The following KSR2 variants were observed in gnomAD, a reference collection of about 807,000 sequenced individuals.
The protein encoded by KSR2 is kinase suppressor of ras 2.
A neutral mutation model predicts 107.8 loss-of-function variants in KSR2; 25 were observed. The observed-to-expected ratio is 0.23, with a 90% CI of 0.17 to 0.32. The LOEUF (loss-of-function observed/expected upper bound fraction) is 0.32, where lower values mean the gene tolerates loss of function less well. Among genes scored for constraint, KSR2 ranks in the 10% least tolerant of loss-of-function variants. The pLI, the probability that KSR2 is intolerant of heterozygous loss-of-function variation, is 1.00. For synonymous variants in KSR2, 480 were observed against 507.0 expected, an observed-to-expected ratio of 0.95 and a Z score of 0.71; for missense variants, 887 against 1,268.9, an observed-to-expected ratio of 0.70 and a Z score of 4.57.
At chr12:117,747,253 T>C (rs1428334809) in intron 4 of KSR2, among the ~76,000 whole-genome samples, 1 of 152,136 alleles carries the variant, frequency 6.6e-6, no homozygotes, top group African/African-American at 2.4e-5. Flanking sequence ...TATGCAGCCA[T>C]AAAGAAGAAT....
At chr12:117,748,279 G>A (rs1006609565) in intron 4 of KSR2, among the ~76,000 whole-genome samples, 6 of 152,136 alleles carry the variant, frequency 3.9e-5, no homozygotes, top group African/African-American at 1.4e-4. Context: ...GTGGTTACCA[G>A]GAGCTGGCAG....
intron 3 of KSR2, among the ~76,000 whole-genome samples, chr12:117,790,979 C>T (rs4767622): frequency 0.54 from 82,694 of 151,942 alleles, 23,361 homozygotes; most frequent in East Asian, 0.77. Flanking sequence ...GGATGTTTTG[C>T]AATCATGTAT....
chr12:117,687,569 G>A (rs902655149), intron 4 of KSR2, among the ~76,000 whole-genome samples: 3 of 152,142 alleles, frequency 2.0e-5, no homozygotes, highest in African/African-American at 7.2e-5. Context: ...TTCCTGCTCA[G>A]CCGGACTCAG....
chr12:117,878,133 AG>A (rs986746497), intron 1 of KSR2, among the ~76,000 whole-genome samples: 14 of 96,310 alleles, frequency 1.5e-4, no homozygotes, highest in African/African-American at 1.1e-3. Context: ...ATAAGAATTC[AG>A]GCAAACTTAA....
At chr12:117,677,582 C>G (rs1297740477) in intron 4 of KSR2, among the ~76,000 whole-genome samples, 2 of 152,158 alleles carry the variant, frequency 1.3e-5, no homozygotes, top group Admixed American at 1.3e-4. Flanking sequence ...CCCTAGCAGA[C>G]TAATACAGTA....
intron 3 of KSR2, among the ~76,000 whole-genome samples, chr12:117,833,895 G>A (rs557115579): frequency 2.9e-4 from 44 of 151,976 alleles, no homozygotes; most frequent in African/African-American, 1.0e-3. Context: ...TTGGGAGGCC[G>A]AGGCAGGCGG....
At chr12:117,872,549 A>G (rs1249927051) in intron 1 of KSR2, among the ~76,000 whole-genome samples, 1 of 151,650 alleles carries the variant, frequency 6.6e-6, no homozygotes, top group Non-Finnish European at 1.5e-5. Flanking sequence ...GGGACAGCAG[A>G]GCAAGACGCT....
Position 117,473,378 on chromosome 12 carries a change from C to A in KSR2, c.2583-2058G>T, listed in dbSNP as rs58070890. Among the ~76,000 whole-genome samples, 1,252 of 152,258 alleles carry A rather than the reference C, an allele frequency of 8.2e-3. 21 individuals carry two copies. The highest frequency in any genetic ancestry group is 0.028 in the African/African-American group (1,167 of 41,536). ...TTTCATAGATGAGGAAACTGATGCCCAGAAAGGTTGTGTGTCTTTCCCAAG... is the reference window on the plus strand; with the variant it reads ...TTTCATAGATGAGGAAACTGATGCCAAGAAAGGTTGTGTGTCTTTCCCAAG... On this transcript the variant is annotated intron_variant, in intron 17 of 19. Coordinates refer to ENST00000339824, the MANE Select transcript of KSR2 (RefSeq NM_173598.6).
intron 3 of KSR2, among the ~76,000 whole-genome samples, chr12:117,781,572 C>T (rs528959706): frequency 8.5e-5 from 13 of 152,308 alleles, no homozygotes; most frequent in African/African-American, 2.4e-4. Context: ...TCACCCCTCA[C>T]GAACCAAACC....
rs761063521 is a variant in KSR2, at chr12:117,968,891, C to CGCTGCTGCT, written c.-645_-637dup. On this transcript the variant is annotated 5_prime_UTR_variant, in exon 1 of 20. Transcript: ENST00000339824. Reference sequence around the variant, plus strand: ...GCGGCTGGCTGCTGTCTCCTCCCCGCGCTGCTGCTGCTGCTGCTGCTGCCG... The same window carrying CGCTGCTGCT: ...GCGGCTGGCTGCTGTCTCCTCCCCGCGCTGCTGCTGCTGCTGCTGCTGCTGCTGCTGCCG... The CGCTGCTGCT allele has an allele frequency of 4.4e-5, 11 of 247,460 alleles. 1 individual carries two copies. Among genetic ancestry groups the CGCTGCTGCT allele is most frequent in the Admixed American group, 2.5e-4 (5 of 20,010 alleles). The allele number at this position is 247,460 out of a possible 1,614,324, so 15.3% of individuals were successfully genotyped here. A position where few individuals can be genotyped will look rare whatever the true frequency, so the allele number is the denominator to read the frequency against.
At chr12:117,800,455 G>A (rs7980478) in intron 3 of KSR2, among the ~76,000 whole-genome samples, 51,077 of 152,084 alleles carry the variant, frequency 0.34, 9,415 homozygotes, top group Admixed American at 0.5. Context: ...GAAGCCTTGG[G>A]GAGCTGGAGA....
At chr12:117,818,589 C>G (rs1174878943) in intron 3 of KSR2, among the ~76,000 whole-genome samples, 2 of 152,186 alleles carry the variant, frequency 1.3e-5, no homozygotes, top group Non-Finnish European at 2.9e-5. Context: ...GTGCTTAGTG[C>G]AGGGCATGCC....
chr12:117,622,073 G>T (rs1160556524), intron 5 of KSR2, among the ~76,000 whole-genome samples: 1 of 152,064 alleles, frequency 6.6e-6, no homozygotes, highest in African/African-American at 2.4e-5. Context: ...TCACAAGCAG[G>T]ATGGCAACAG....
chr12:117,951,868 A>C (rs754398779), intron 1 of KSR2, among the ~76,000 whole-genome samples: 1 of 152,188 alleles, frequency 6.6e-6, no homozygotes, highest in Non-Finnish European at 1.5e-5. Flanking sequence ...TATCCAGATC[A>C]AAAGGCTGCC....
chr12:117,678,408 AG>A lies in KSR2; in HGVS notation c.987-10751del, dbSNP rs1300394741. ...TGGATCGCAGACATCTTCATGTACTAGGAGTTAGGATTCCGGGGCTCTCTGG... is the reference window on the plus strand; with the variant it reads ...TGGATCGCAGACATCTTCATGTACTAGAGTTAGGATTCCGGGGCTCTCTGG... On this transcript the variant is annotated intron_variant, in intron 4 of 19. Coordinates refer to ENST00000339824, the MANE Select transcript of KSR2 (RefSeq NM_173598.6). Among the ~76,000 whole-genome samples the A allele has an allele frequency of 7.9e-5, 12 of 151,782 alleles. No homozygotes were observed. In the East Asian group the frequency reaches 2.3e-3, roughly 30 times the overall value.
chr12:117,569,236 T>G (rs1026320704), intron 7 of KSR2, among the ~76,000 whole-genome samples: 7 of 152,232 alleles, frequency 4.6e-5, no homozygotes, highest in Non-Finnish European at 1.0e-4. Context: ...AAAATCAAGA[T>G]GTGCTTGGTT....
intron 10 of KSR2, among the ~76,000 whole-genome samples, chr12:117,534,825 G>A (rs1485825234): frequency 6.6e-6 from 1 of 151,988 alleles, no homozygotes; most frequent in African/African-American, 2.4e-5. Context: ...ATGTGATCAT[G>A]CAAGCAGAGG....
At chr12:117,684,965 G>A (rs1885510638) in intron 4 of KSR2, among the ~76,000 whole-genome samples, 1 of 152,158 alleles carries the variant, frequency 6.6e-6, no homozygotes, top group African/African-American at 2.4e-5. Context: ...CAATTTCAGG[G>A]TTAGCCAAGG....
At chr12:117,519,057 T>A (rs975347809) in intron 14 of KSR2, among the ~76,000 whole-genome samples, 1 of 152,250 alleles carries the variant, frequency 6.6e-6, no homozygotes, top group Non-Finnish European at 1.5e-5. Context: ...CTGTAGACAC[T>A]GTGTTCTGAG....
Sources: allele counts gnomAD v4.1 joint callset (sites outside exome capture counted in the v4.1 genomes callset), GRCh38; gene constraint gnomAD v4.1.1; transcripts MANE v1.5; gene names NCBI Gene and HGNC (gene_info 2026-07-23, HGNC 2026-07-21).